The following TENM3 variants were observed in gnomAD, a reference collection of about 807,000 sequenced individuals.
TENM3 encodes teneurin transmembrane protein 3, also known as teneurin-3.
In TENM3, 63 loss-of-function variants were observed where a neutral mutation model predicts 255.1. The ratio of observed to expected loss-of-function variants is 0.25; its 90% CI spans 0.20 to 0.30. TENM3 has a LOEUF of 0.30. Among genes scored for constraint, TENM3 ranks in the 10% least tolerant of loss-of-function variants. TENM3 has a pLI of 1.00. For synonymous variants in TENM3, 1,306 were observed against 1,322.3 expected, an observed-to-expected ratio of 0.99 and a Z score of 0.27; for missense variants, 2,929 against 3,461.1, an observed-to-expected ratio of 0.85 and a Z score of 3.86.
chr4:182,489,885 T>C (rs1381268563), intron 3 of TENM3, among the ~76,000 whole-genome samples: 5 of 149,264 alleles, frequency 3.3e-5, no homozygotes, highest in Non-Finnish European at 7.4e-5. Context: ...CCTTCCTCTT[T>C]CTTTCCTCCT....
At chr4:181,716,260 A>C in the TENM3 span, among the ~76,000 whole-genome samples, 2 of 152,242 alleles carry the variant, frequency 1.3e-5, no homozygotes, top group African/African-American at 2.4e-5. Flanking sequence ...CAATTTTAAT[A>C]AAGTAATATA....
chr4:181,511,243 G>A, the TENM3 span, among the ~76,000 whole-genome samples: 2 of 152,174 alleles, frequency 1.3e-5, no homozygotes, highest in Admixed American at 1.3e-4. Context: ...TTTTATCAAT[G>A]TAATCATGCA....
chr4:181,822,501 A>G, the TENM3 span, among the ~76,000 whole-genome samples: 3 of 152,220 alleles, frequency 2.0e-5, no homozygotes, highest in African/African-American at 7.2e-5. Flanking sequence ...TTCAAAGCTC[A>G]TATCTGTTGA....
chr4:181,821,911 C>T, the TENM3 span, among the ~76,000 whole-genome samples: 4 of 152,258 alleles, frequency 2.6e-5, no homozygotes, highest in South Asian at 2.1e-4. Context: ...CAATAGATCA[C>T]GTTTCTATCA....
At position 182,749,449 on chromosome 4, in the gene TENM3, A is replaced by G. The variant is rs1279073009; in HGVS notation, c.3630-2351A>G. Among the ~76,000 whole-genome samples the G allele has an allele frequency of 4.6e-5, 7 of 152,314 alleles. No individual in the cohort carries two copies. The East Asian group carries it at 1.3e-3, about 29-fold the overall frequency. ...AATTATTGTATTCCTGCACTTTCTA[A>G]GGTTATAAGGCAAAAGACATTGCAC... On this transcript the variant is annotated intron_variant, in intron 19 of 27. Coordinates refer to ENST00000511685, the MANE Select transcript of TENM3 (RefSeq NM_001080477.4).
intron 3 of TENM3, among the ~76,000 whole-genome samples, chr4:182,394,880 A>T (rs1183767217): frequency 6.6e-6 from 1 of 152,228 alleles, no homozygotes; most frequent in Admixed American, 6.5e-5. Context: ...TGGATAAAAA[A>T]TGCCGTACAG....
At chr4:182,499,395 C>T (rs1736108288) in intron 3 of TENM3, among the ~76,000 whole-genome samples, 1 of 152,164 alleles carries the variant, frequency 6.6e-6, no homozygotes, top group Admixed American at 6.5e-5. Context: ...CAGAGGCCTT[C>T]CCCAACAACA....
the TENM3 span, among the ~76,000 whole-genome samples, chr4:181,883,505 C>G: frequency 9.2e-5 from 14 of 152,160 alleles, no homozygotes; most frequent in Admixed American, 5.2e-4. Flanking sequence ...GAGTCTCGCT[C>G]TGTCTGTCGC....
At chr4:182,645,109 T>C (rs911137230) in intron 5 of TENM3, among the ~76,000 whole-genome samples, 2 of 151,894 alleles carry the variant, frequency 1.3e-5, no homozygotes, top group African/African-American at 4.8e-5. Flanking sequence ...GGGTTTCTTT[T>C]TTCTGTTCAT....
chr4:181,549,406 G>A, the TENM3 span, among the ~76,000 whole-genome samples: 98 of 152,214 alleles, frequency 6.4e-4, 1 homozygote, highest in African/African-American at 2.1e-3. Flanking sequence ...TTCCCTGCAC[G>A]CACTGTGCTT....
the TENM3 span, among the ~76,000 whole-genome samples, chr4:181,893,784 T>C: frequency 1.3e-5 from 2 of 152,236 alleles, no homozygotes; most frequent in African/African-American, 4.8e-5. Context: ...GGTTAAAATG[T>C]TTTAGCAACA....
At chr4:182,429,301 C>T (rs955982687) in intron 3 of TENM3, among the ~76,000 whole-genome samples, 7 of 152,214 alleles carry the variant, frequency 4.6e-5, no homozygotes, top group African/African-American at 1.7e-4. Context: ...TAAAAACTAA[C>T]TTTAATTTTT....
chr4:182,368,969 C>T (rs1226326187), intron 3 of TENM3, among the ~76,000 whole-genome samples: 2 of 152,186 alleles, frequency 1.3e-5, no homozygotes, highest in Admixed American at 1.3e-4. Context: ...GCTGGTTCTG[C>T]GATTCAAACA....
chr4:182,035,817 C>T, the TENM3 span, among the ~76,000 whole-genome samples: 1 of 152,156 alleles, frequency 6.6e-6, no homozygotes, highest in Non-Finnish European at 1.5e-5. Flanking sequence ...CCAAAGGTTT[C>T]CATTGTTCTC....
chr4:182,153,897 A>G (rs1421720761), intron 1 of TENM3, among the ~76,000 whole-genome samples: 1 of 152,148 alleles, frequency 6.6e-6, no homozygotes, highest in East Asian at 1.9e-4. Context: ...CTTCAACTTT[A>G]AAAAGCCTCT....
In TENM3 at chr4:182,197,451, C is replaced by T. The variant is rs529565424; in HGVS notation, c.-76+52697C>T. 1.9e-4 allele frequency among the ~76,000 whole-genome samples: 29 copies of T among 152,224 alleles called. No individual in the cohort carries two copies. In the East Asian group the frequency reaches 3.5e-3, roughly 18 times the overall value. ...TTTTTTCCTCTCTAGGAGTTCATTT[C>T]ACCATCAGAGGATATTATTCAGAGG... On this transcript the variant is annotated intron_variant, in intron 1 of 2. Coordinates refer to the TENM3 transcript ENST00000512480.
At chr4:181,642,604 G>A in the TENM3 span, among the ~76,000 whole-genome samples, 1 of 152,094 alleles carries the variant, frequency 6.6e-6, no homozygotes, top group Non-Finnish European at 1.5e-5. Flanking sequence ...ATGGTTTTAG[G>A]TCTTACATTT....
At chr4:181,798,464 T>C in the TENM3 span, among the ~76,000 whole-genome samples, 2 of 152,024 alleles carry the variant, frequency 1.3e-5, no homozygotes, top group Admixed American at 1.3e-4. Flanking sequence ...TTCTTGACTT[T>C]ATATTGGGCT....
the TENM3 span, among the ~76,000 whole-genome samples, chr4:181,844,335 C>T: frequency 6.6e-6 from 1 of 152,014 alleles, no homozygotes; most frequent in African/African-American, 2.4e-5. Flanking sequence ...ATGAAATGAC[C>T]TTTATTACTG....
Sources: gnomAD v4.1 joint callset for allele counts (sites outside exome capture counted in the v4.1 genomes callset) on GRCh38, gnomAD v4.1.1 for gene constraint, MANE v1.5 for transcripts, NCBI Gene and HGNC (gene_info 2026-07-23, HGNC 2026-07-21) for gene names.